Variants in IARS1 observed in about 807,000 individuals in gnomAD.
The protein encoded by IARS1 is isoleucine--tRNA ligase, cytoplasmic.
IARS1 carries 124 observed loss-of-function variants against 168.2 expected under a neutral mutation model. The observed-to-expected ratio is 0.74, with a 90% CI of 0.64 to 0.86. The LOEUF (loss-of-function observed/expected upper bound fraction) is 0.86, where lower values mean the gene tolerates loss of function less well. Ranked by LOEUF, IARS1 falls within the 40% of genes least tolerant of loss-of-function variation. The pLI is 0.00. For synonymous variants in IARS1, 532 were observed against 529.4 expected, an observed-to-expected ratio of 1.00 and a Z score of -0.07; for missense variants, 1,452 against 1,515.8, an observed-to-expected ratio of 0.96 and a Z score of 0.70.
Position 92,251,896 on chromosome 9 carries a change from A to C in IARS1, c.2230-11T>G, listed in dbSNP as rs775766694. 6.3e-7 allele frequency: 1 copy of C among 1,582,042 alleles called. No individual in the cohort carries two copies. Among genetic ancestry groups the C allele is most frequent in the African/African-American group, 1.3e-5 (1 of 74,370 alleles). ...CATCCCATTTTCACCCTAATGAGTA[A>C]AAAGGAAACATAAACATTAAACTGT... On this transcript the variant is annotated splice_polypyrimidine_tract_variant and intron_variant, in intron 21 of 33. Transcript: ENST00000443024.
chr9:92,279,043 T>C (rs1419040925), intron 7 of IARS1, among the ~76,000 whole-genome samples: 1 of 152,202 alleles, frequency 6.6e-6, no homozygotes, highest in Non-Finnish European at 1.5e-5. Context: ...AGTTAAAACT[T>C]TGATACTGAA....
chr9:92,285,735 T>C lies in IARS1; in HGVS notation c.584A>G (p.His195Arg). The C allele has an allele frequency of 6.3e-7, 1 of 1,599,222 alleles. No homozygotes were observed. Among genetic ancestry groups the C allele is most frequent in the South Asian group, 1.1e-5 (1 of 90,808 alleles). Reference sequence around the variant, plus strand: ...CATTTCACGTACCTTATAATTCTGGTGTGACTCGAAGTTGGAAAGTGGAGT... The same window carrying C: ...CATTTCACGTACCTTATAATTCTGGCGTGACTCGAAGTTGGAAAGTGGAGT... ...CNTPLSNFES[H>R]QNYKDVQDPS... Residue 195 changes from histidine (H) to arginine (R), a missense_variant, in exon 6 of 34, where the codon CAC (histidine) becomes CGC (arginine). Transcript: ENST00000443024.
rs1834432301 is a variant in IARS1, at chr9:92,280,779, C to T, written c.712G>A (p.Val238Ile). The T allele has an allele frequency of 1.2e-6, 2 of 1,611,762 alleles. No homozygotes were observed. The highest frequency in any genetic ancestry group is 1.7e-5 in the Admixed American group (1 of 59,854). Residue 238 changes from valine (V) to isoleucine (I), a missense_variant, in exon 7 of 34, where the codon GTT (valine) becomes ATT (isoleucine). Val to Ile is a conservative substitution (Grantham distance 29). Transcript: ENST00000443024. Reference protein sequence around the residue: ...WTLPSNLAVCVNPEMQYVKIK... With the variant: ...WTLPSNLAVCINPEMQYVKIK... ...TTCACATATTGCATTTCTGGATTAA[C>T]ACACACAGCAAGGTTACTAGGTAGA...
intron 6 of IARS1, among the ~76,000 whole-genome samples, chr9:92,284,064 G>C (rs1835055880): frequency 6.6e-6 from 1 of 152,108 alleles, no homozygotes. Flanking sequence ...TGTAGTCCCA[G>C]CTACTCAGGG....
chr9:92,285,501 C>A (rs1835296415), intron 6 of IARS1, among the ~76,000 whole-genome samples: 1 of 152,098 alleles, frequency 6.6e-6, no homozygotes, highest in Non-Finnish European at 1.5e-5. Flanking sequence ...CACATTAAGA[C>A]ACATCATAAA....
intron 33 of IARS1, among the ~76,000 whole-genome samples, chr9:92,222,210 G>A (rs765996690): frequency 5.9e-5 from 9 of 151,546 alleles, no homozygotes; most frequent in Non-Finnish European, 1.2e-4. Flanking sequence ...CCAGCTACTC[G>A]GAAGTCTGAG....
chr9:92,262,196 G>A (rs1831625488), intron 17 of IARS1, among the ~76,000 whole-genome samples: 1 of 151,980 alleles, frequency 6.6e-6, no homozygotes, highest in Admixed American at 6.6e-5. Context: ...ATTCCTCAAA[G>A]GTCACAAAGG....
In IARS1 at chr9:92,210,593, T is replaced by A; in HGVS notation, c.*214A>T. ...CATTGTAACCTGCTCCCAACATGAC[T>A]GCATAGGTGTCTAAGGTTAAGTGTG... On this transcript the variant is annotated 3_prime_UTR_variant, in exon 34 of 34. Coordinates refer to ENST00000443024, the MANE Select transcript of IARS1 (RefSeq NM_002161.6). 1 of 480,590 alleles carries A rather than the reference T, an allele frequency of 2.1e-6. No individual in the cohort carries two copies. Among genetic ancestry groups the A allele is most frequent in the Non-Finnish European group, 3.8e-6 (1 of 266,184 alleles). The allele number at this position is 480,590 out of a possible 1,614,324, so 29.8% of individuals were successfully genotyped here. A position where few individuals can be genotyped will look rare whatever the true frequency, so the allele number is the denominator to read the frequency against.
intron 20 of IARS1, chr9:92,253,698 T>C: frequency 1.9e-6 from 1 of 531,670 alleles, no homozygotes; most frequent in Admixed American, 2.7e-5. Flanking sequence ...GAATTCCCAT[T>C]GGTCAGTGAG....
At chr9:92,241,764 T>C (rs948402918) in intron 29 of IARS1, among the ~76,000 whole-genome samples, 3 of 150,602 alleles carry the variant, frequency 2.0e-5, no homozygotes, top group Admixed American at 6.6e-5. Context: ...TCTTTTTTTG[T>C]ACTGTACTTT....
chr9:92,236,613 AAAG>A (rs1827573244), intron 30 of IARS1, among the ~76,000 whole-genome samples: 5 of 152,218 alleles, frequency 3.3e-5, no homozygotes, highest in South Asian at 4.1e-4. Flanking sequence ...TTGGGAGGCC[AAAG>A]AAGGCCAGAC....
At chr9:92,277,500 A>G (rs1042909484) in intron 9 of IARS1, among the ~76,000 whole-genome samples, 2 of 152,014 alleles carry the variant, frequency 1.3e-5, no homozygotes, top group African/African-American at 4.8e-5. Context: ...CAGCATAGCG[A>G]GATTCTGTCT....
At position 92,256,800 on chromosome 9, in the gene IARS1, C is replaced by G. The variant is rs144595445; in HGVS notation, c.2017G>C (p.Glu673Gln). ...LIQNVLRLQK[E>Q]EEIEFLYNEN... ...TTGTAGAGAAATTCTATTTCTTCCTCCTAGGAAGGAACAATTAATGAAACA... is the reference window on the plus strand; with the variant it reads ...TTGTAGAGAAATTCTATTTCTTCCTGCTAGGAAGGAACAATTAATGAAACA... Residue 673 changes from glutamate (E) to glutamine (Q), a missense_variant and splice_region_variant, in exon 20 of 34, where the codon GAG becomes CAG. Glu to Gln is a conservative substitution (Grantham distance 29). Transcript: ENST00000443024. The G allele has an allele frequency of 2.1e-4, 336 of 1,609,984 alleles. No individual in the cohort carries two copies. The highest frequency in any genetic ancestry group is 2.6e-4 in the Non-Finnish European group (311 of 1,177,372).
At chr9:92,253,338 T>C in intron 21 of IARS1, 24 bp downstream of exon 21, 1 of 1,513,482 alleles carries the variant, frequency 6.6e-7, no homozygotes, top group South Asian at 1.1e-5. Context: ...CTTTTTGCTT[T>C]TCCCAACAGC....
chr9:92,223,551 A>G, intron 31 of IARS1, 62 bp from the exon 32 acceptor site: 2 of 1,363,262 alleles, frequency 1.5e-6, no homozygotes, highest in African/African-American at 1.4e-5. Flanking sequence ...GAAGTCATTC[A>G]ATTTTTCCTA....
chr9:92,254,765 C>T (rs1222763978), intron 20 of IARS1, among the ~76,000 whole-genome samples: 4 of 152,186 alleles, frequency 2.6e-5, no homozygotes, highest in Non-Finnish European at 5.9e-5. Context: ...CTACCCAGGC[C>T]ACCACCACCC....
chr9:92,270,920 A>T, intron 12 of IARS1, 65 bp downstream of exon 12: 1 of 1,063,150 alleles, frequency 9.4e-7, no homozygotes, highest in Non-Finnish European at 1.4e-6. Flanking sequence ...TGGAATGGGC[A>T]CATATAGTAA....
At position 92,243,124 on chromosome 9, in the gene IARS1, T is replaced by C. The variant is rs999043401; in HGVS notation, c.3000+92A>G. The C allele has an allele frequency of 3.2e-5, 27 of 832,156 alleles. No individual in the cohort carries two copies. The African/African-American group carries it at 4.2e-4, about 13-fold the overall frequency. 51.5% of individuals were successfully genotyped at this position (832,156 alleles called of 1,614,324 possible). The stretch of plus-strand genomic sequence containing the variant: ...AGTGATTGTTATGCATTGATCACTA[T>C]GGTTTATATTACCTGCCTCTCCTAT... On this transcript the variant is annotated intron_variant, in intron 28 of 33. Coordinates refer to ENST00000443024, the MANE Select transcript of IARS1 (RefSeq NM_002161.6).
chr9:92,281,037 G>C (rs906197361), intron 6 of IARS1, 144 bp from the exon 7 acceptor site: 6 of 467,456 alleles, frequency 1.3e-5, no homozygotes, highest in Non-Finnish European at 2.1e-5. Flanking sequence ...ACAGAAAATA[G>C]CAAGAAATTC....
Sources: allele counts gnomAD v4.1 joint callset (sites outside exome capture counted in the v4.1 genomes callset), GRCh38; gene constraint gnomAD v4.1.1; transcripts MANE v1.5; gene names NCBI Gene and HGNC (gene_info 2026-07-23, HGNC 2026-07-21).